The following FAM210A variants were observed in gnomAD, a reference collection of about 807,000 sequenced individuals.
FAM210A encodes the protein family with sequence similarity 210 member A.
FAM210A carries 13 observed loss-of-function variants against 25.3 expected under a neutral mutation model. The observed-to-expected ratio is 0.51, with a 90% confidence interval of 0.33 to 0.82. The LOEUF is 0.82. FAM210A is among the 40% of genes least tolerant of loss of function. The pLI, the probability that FAM210A is intolerant of heterozygous loss-of-function variation, is 0.02. For synonymous variants in FAM210A, 125 were observed against 118.7 expected (o/e 1.05, Z -0.35); for missense variants, 319 against 323.2 (o/e 0.99, Z 0.10).
intron 1 of FAM210A, among the ~76,000 whole-genome samples, chr18:13,721,766 A>G (rs957340233): frequency 2.0e-5 from 3 of 152,130 alleles, no homozygotes; most frequent in Non-Finnish European, 4.4e-5. Flanking sequence ...CCTAACCTCA[A>G]CAAGTCCCTA....
intron 1 of FAM210A, among the ~76,000 whole-genome samples, chr18:13,701,810 T>C (rs1056656254): frequency 1.9e-4 from 29 of 152,192 alleles, no homozygotes; most frequent in African/African-American, 6.8e-4. Context: ...CCAAAGGAAA[T>C]AGACTGCAGT....
chr18:13,701,824 A>T (rs1181405655), intron 1 of FAM210A, among the ~76,000 whole-genome samples: 1 of 152,228 alleles, frequency 6.6e-6, no homozygotes, highest in African/African-American at 2.4e-5. Flanking sequence ...CTGCAGTACC[A>T]ATTGGCTGAC....
rs1448181982 is a variant in FAM210A, at chr18:13,665,913, T to C, written c.*567A>G. On this transcript the variant is annotated 3_prime_UTR_variant, in exon 4 of 4. Transcript: ENST00000651643. Reference sequence around the variant, plus strand: ...ACAATCAGTACATCTTATTTACATATATGACTGGATCTTTATTCTATTTTC... The same window carrying C: ...ACAATCAGTACATCTTATTTACATACATGACTGGATCTTTATTCTATTTTC... 6.5e-6 allele frequency: 1 copy of C among 153,052 alleles called. No individual in the cohort carries two copies. Among genetic ancestry groups the C allele is most frequent in the Non-Finnish European group, 1.5e-5 (1 of 68,600 alleles). 9.5% of individuals were successfully genotyped at this position (153,052 alleles called of 1,614,324 possible).
In FAM210A at chr18:13,671,977, CAAAA is replaced by C; in HGVS notation, c.474-8_474-5del. ...AAAAGGAACGACATTCACTCCTCTA[CAAAA>C]AAAAAAAAGTAATTTTCATATGTAC... On this transcript the variant is annotated splice_polypyrimidine_tract_variant and splice_region_variant and intron_variant, in intron 2 of 3. Transcript: ENST00000651643. 3.2e-6 allele frequency: 4 copies of C among 1,251,572 alleles called. No individual in the cohort carries two copies. The highest frequency in any genetic ancestry group is 4.3e-6 in the Non-Finnish European group (4 of 920,466). 77.5% of individuals were successfully genotyped at this position (1,251,572 alleles called of 1,614,324 possible).
At chr18:13,705,732 G>C (rs560901936) in intron 1 of FAM210A, among the ~76,000 whole-genome samples, 3 of 152,126 alleles carry the variant, frequency 2.0e-5, no homozygotes, top group African/African-American at 7.2e-5. Flanking sequence ...TCAGCTTCTC[G>C]AAGTGCCAGG....
intron 2 of FAM210A, among the ~76,000 whole-genome samples, chr18:13,676,929 C>T (rs1447921207): frequency 1.3e-5 from 2 of 152,188 alleles, no homozygotes; most frequent in South Asian, 2.1e-4. Flanking sequence ...TCTGTCCATC[C>T]TTAGTGCAGC....
At chr18:13,693,988 G>A (rs976490211) in intron 1 of FAM210A, among the ~76,000 whole-genome samples, 2 of 152,158 alleles carry the variant, frequency 1.3e-5, no homozygotes, top group Non-Finnish European at 2.9e-5. Context: ...AAACCCCATC[G>A]TCTCAGCCCA....
chr18:13,669,690 C>T (rs1013886425), intron 3 of FAM210A, among the ~76,000 whole-genome samples: 1 of 152,204 alleles, frequency 6.6e-6, no homozygotes, highest in Non-Finnish European at 1.5e-5. Context: ...CCACTCACTA[C>T]ACTATCAGCC....
At chr18:13,715,335 A>G (rs948727) in intron 1 of FAM210A, 38,616 of 152,138 alleles carry the variant, frequency 0.25, 5,628 homozygotes, top group Non-Finnish European at 0.34. Context: ...GGCTCAAGTG[A>G]TCCTCCCACC....
intron 1 of FAM210A, among the ~76,000 whole-genome samples, chr18:13,691,589 G>A (rs1223736468): frequency 6.6e-6 from 1 of 152,110 alleles, no homozygotes. Context: ...AGAAGAGAGT[G>A]GGGGTCAATA....
intron 1 of FAM210A, among the ~76,000 whole-genome samples, chr18:13,693,408 T>C (rs1250432855): frequency 6.6e-6 from 1 of 152,116 alleles, no homozygotes; most frequent in East Asian, 1.9e-4. Context: ...GCCAACATCA[T>C]CCTGATACCA....
chr18:13,723,694 C>A (rs893847209), intron 1 of FAM210A, among the ~76,000 whole-genome samples: 1 of 152,190 alleles, frequency 6.6e-6, no homozygotes, highest in Non-Finnish European at 1.5e-5. Context: ...ATAGCATCAA[C>A]CAAACTAGTA....
intron 1 of FAM210A, among the ~76,000 whole-genome samples, chr18:13,691,211 G>T (rs2043641590): frequency 6.6e-6 from 1 of 152,162 alleles, no homozygotes; most frequent in African/African-American, 2.4e-5. Context: ...AGAGAAAAAA[G>T]AATACAAAGA....
At chr18:13,721,382 A>G (rs1453695702) in intron 1 of FAM210A, among the ~76,000 whole-genome samples, 1 of 152,168 alleles carries the variant, frequency 6.6e-6, no homozygotes, top group Non-Finnish European at 1.5e-5. Context: ...CTACTCAGTT[A>G]AGTTTATGAT....
chr18:13,702,774 C>T (rs562116705), intron 1 of FAM210A, among the ~76,000 whole-genome samples: 4 of 152,260 alleles, frequency 2.6e-5, no homozygotes, highest in Admixed American at 2.0e-4. Context: ...TGAGTTCTTT[C>T]CTGTTTGATA....
At chr18:13,673,564 T>C (rs1270657040) in intron 2 of FAM210A, among the ~76,000 whole-genome samples, 1 of 150,202 alleles carries the variant, frequency 6.7e-6, no homozygotes, top group Non-Finnish European at 1.5e-5. Context: ...CCGACTTCTT[T>C]ATTTCCAGTT....
At position 13,689,825 on chromosome 18, in the gene FAM210A, A is replaced by G. The variant is rs1191311012; in HGVS notation, c.-28-7720T>C. ...TGTGGTTCCAAGACGGCCAAATAGG[A>G]ACAGCTCCAGTCTGCAGCTCCCAGC... is the stretch of plus-strand genomic sequence containing the variant. On this transcript the variant is annotated intron_variant, in intron 1 of 3. Coordinates refer to ENST00000651643, the MANE Select transcript of FAM210A (RefSeq NM_152352.4). Among the ~76,000 whole-genome samples the G allele has an allele frequency of 2.0e-5, 3 of 152,240 alleles. No homozygotes were observed. The East Asian group carries it at 5.8e-4, about 29-fold the overall frequency.
chr18:13,702,086 C>T (rs186209562), intron 1 of FAM210A, among the ~76,000 whole-genome samples: 8 of 152,302 alleles, frequency 5.3e-5, no homozygotes, highest in East Asian at 3.9e-4. Flanking sequence ...CTTTGTGTGG[C>T]GGCTTGGCCC....
intron 1 of FAM210A, among the ~76,000 whole-genome samples, chr18:13,706,662 T>C (rs191441713): frequency 6.6e-6 from 1 of 152,320 alleles, no homozygotes; most frequent in East Asian, 1.9e-4. Context: ...TTAAAATGTG[T>C]CCTTCATGAT....
Sources: allele counts gnomAD v4.1 joint callset (sites outside exome capture counted in the v4.1 genomes callset), GRCh38; gene constraint gnomAD v4.1.1; transcripts MANE v1.5; gene names NCBI Gene and HGNC (gene_info 2026-07-23, HGNC 2026-07-21).